ADAMTS6: variants seen among roughly 807,000 people sequenced by gnomAD.
ADAMTS6 encodes A disintegrin and metalloproteinase with thrombospondin motifs 6.
ADAMTS6 carries 23 observed loss-of-function variants against 144.3 expected under a neutral mutation model. The ratio of observed to expected loss-of-function variants is 0.16; its 90% CI spans 0.11 to 0.23. The LOEUF (loss-of-function observed/expected upper bound fraction) is 0.23. Among genes scored for constraint, ADAMTS6 ranks in the 10% least tolerant of loss-of-function variants. The probability of loss-of-function intolerance (pLI) is 1.00; values close to 1 mark genes in which losing one functional copy is unlikely to be tolerated. For missense variants in ADAMTS6, 999 were observed against 1,379.6 expected (o/e 0.72, Z 4.37); for synonymous variants, 444 against 457.5 (o/e 0.97, Z 0.38).
chr5:65,347,939 T>C (rs1748501653), intron 7 of ADAMTS6, among the ~76,000 whole-genome samples: 1 of 152,090 alleles, frequency 6.6e-6, no homozygotes, highest in African/African-American at 2.4e-5. Context: ...ACATCAGTAA[T>C]CATCAGGGAA....
intron 22 of ADAMTS6, among the ~76,000 whole-genome samples, chr5:65,185,037 G>A (rs918190642): frequency 4.6e-5 from 7 of 152,156 alleles, no homozygotes; most frequent in African/African-American, 1.7e-4. Flanking sequence ...TTTCATGGGT[G>A]TGTCAAAAAA....
intron 15 of ADAMTS6, among the ~76,000 whole-genome samples, chr5:65,238,163 ATACAATCAATACATG>A (rs1432703473): frequency 2.0e-5 from 3 of 152,160 alleles, no homozygotes; most frequent in Non-Finnish European, 4.4e-5. Context: ...AGAATAAAAA[ATACAATCAATACATG>A]TACAAATTAT....
intron 20 of ADAMTS6, among the ~76,000 whole-genome samples, chr5:65,201,444 C>T (rs1277278053): frequency 6.6e-6 from 1 of 152,138 alleles, no homozygotes; most frequent in Non-Finnish European, 1.5e-5. Context: ...AGAAAGAAGG[C>T]ACTCAAGGTA....
intron 11 of ADAMTS6, among the ~76,000 whole-genome samples, chr5:65,278,423 G>A (rs560929768): frequency 6.6e-6 from 1 of 152,246 alleles, no homozygotes; most frequent in South Asian, 2.1e-4. Context: ...TTCCATTGAG[G>A]TACTAATTTA....
intron 12 of ADAMTS6, among the ~76,000 whole-genome samples, chr5:65,270,806 C>A (rs1761995120): frequency 6.6e-6 from 1 of 152,070 alleles, no homozygotes; most frequent in African/African-American, 2.4e-5. Context: ...GCCATATTTA[C>A]AAGGTTTTTA....
chr5:65,167,395 T>C (rs953129069), intron 24 of ADAMTS6, among the ~76,000 whole-genome samples: 13 of 152,038 alleles, frequency 8.6e-5, no homozygotes, highest in Non-Finnish European at 1.2e-4. Flanking sequence ...TAATCAATAG[T>C]TTACCAACCA....
chr5:65,426,795 G>A (rs1177901177), intron 7 of ADAMTS6, among the ~76,000 whole-genome samples: 1 of 151,550 alleles, frequency 6.6e-6, no homozygotes, highest in African/African-American at 2.4e-5. Flanking sequence ...AGACCCAGGA[G>A]AAAACAGAAA....
intron 24 of ADAMTS6, 82 bp downstream of exon 24, chr5:65,170,535 G>C (rs1753550951): frequency 1.4e-6 from 2 of 1,464,234 alleles, no homozygotes; most frequent in Admixed American, 3.6e-5. Flanking sequence ...TACAGTAGTG[G>C]GTTTACTGTG....
chr5:65,398,461 A>G (rs555826091), intron 7 of ADAMTS6, among the ~76,000 whole-genome samples: 1 of 152,182 alleles, frequency 6.6e-6, no homozygotes, highest in Non-Finnish European at 1.5e-5. Flanking sequence ...GCGGTGGCTC[A>G]CGCCTGTAAT....
chr5:65,184,615 G>A (rs1464209681), intron 22 of ADAMTS6, among the ~76,000 whole-genome samples: 1 of 152,142 alleles, frequency 6.6e-6, no homozygotes, highest in African/African-American at 2.4e-5. Flanking sequence ...AGGGCTGCTG[G>A]ACCCCATCCA....
At chr5:65,330,906 T>G (rs1746656511) in intron 8 of ADAMTS6, among the ~76,000 whole-genome samples, 2 of 152,064 alleles carry the variant, frequency 1.3e-5, no homozygotes, top group South Asian at 4.1e-4. Flanking sequence ...TATTTTTTTG[T>G]TTCAGTTAAT....
chr5:65,394,766 T>C (rs542102003), intron 7 of ADAMTS6, among the ~76,000 whole-genome samples: 1 of 152,318 alleles, frequency 6.6e-6, no homozygotes, highest in Admixed American at 6.5e-5. Flanking sequence ...TAAAAAGAGT[T>C]AGCAGCAGCA....
chr5:65,374,746 A>C (rs1437020048), intron 7 of ADAMTS6, among the ~76,000 whole-genome samples: 2 of 152,164 alleles, frequency 1.3e-5, no homozygotes, highest in African/African-American at 4.8e-5. Context: ...CTTCACAGAA[A>C]TGGAATAAAC....
chr5:65,330,092 T>C (rs1746576561), intron 8 of ADAMTS6, among the ~76,000 whole-genome samples: 1 of 152,116 alleles, frequency 6.6e-6, no homozygotes, highest in African/African-American at 2.4e-5. Context: ...AGGAGGAAAG[T>C]CATTCACACA....
intron 7 of ADAMTS6, among the ~76,000 whole-genome samples, chr5:65,375,563 A>G (rs1283893488): frequency 1.3e-5 from 2 of 152,134 alleles, no homozygotes; most frequent in Non-Finnish European, 2.9e-5. Flanking sequence ...ACAATGAGAT[A>G]CCATCTCACA....
At chr5:65,195,121 A>C (rs1755250732) in intron 21 of ADAMTS6, among the ~76,000 whole-genome samples, 1 of 152,234 alleles carries the variant, frequency 6.6e-6, no homozygotes, top group African/African-American at 2.4e-5. Context: ...AATTAACGTA[A>C]TAGACTGAGA....
At chr5:65,313,128 AACACACACACACACACACACAC>A (rs61525269) in intron 9 of ADAMTS6, among the ~76,000 whole-genome samples, 228 of 135,846 alleles carry the variant, frequency 1.7e-3, no homozygotes, top group African/African-American at 5.0e-3. Context: ...TTATTTCTGC[AACACACACACACACACACACAC>A]ACACACACAC....
chr5:65,262,126 G>A (rs1761251676), intron 13 of ADAMTS6, among the ~76,000 whole-genome samples: 1 of 152,104 alleles, frequency 6.6e-6, no homozygotes, highest in Non-Finnish European at 1.5e-5. Flanking sequence ...ACCTGTAATG[G>A]GCATGGAGCA....
At chr5:65,254,617 G>A (rs1760492415) in intron 14 of ADAMTS6, among the ~76,000 whole-genome samples, 1 of 152,168 alleles carries the variant, frequency 6.6e-6, no homozygotes, top group African/African-American at 2.4e-5. Flanking sequence ...GCAAAAAATA[G>A]AATGTGGGGT....
Sources: gnomAD v4.1 joint callset for allele counts (sites outside exome capture counted in the v4.1 genomes callset) on GRCh38, gnomAD v4.1.1 for gene constraint, MANE v1.5 for transcripts, NCBI Gene and HGNC (gene_info 2026-07-23, HGNC 2026-07-21) for gene names.